The following TANC1 variants were observed in gnomAD, a reference collection of about 807,000 sequenced individuals.
TANC1 encodes the protein tetratricopeptide repeat, ankyrin repeat and coiled-coil containing 1, also known as protein TANC1.
In TANC1, 77 loss-of-function variants were observed where a neutral mutation model predicts 149.7. The ratio of observed to expected loss-of-function variants is 0.51; its 90% CI spans 0.43 to 0.62. The LOEUF is 0.62. Ranked by LOEUF, TANC1 falls within the 20% of genes least tolerant of loss-of-function variation. The pLI is 0.00. For synonymous variants in TANC1, 854 were observed against 925.0 expected (o/e 0.92, Z 1.39); for missense variants, 1,985 against 2,321.8 (o/e 0.85, Z 2.98).
chr2:159,094,117 T>C (rs1435634349), intron 3 of TANC1, among the ~76,000 whole-genome samples: 1 of 152,220 alleles, frequency 6.6e-6, no homozygotes, highest in African/African-American at 2.4e-5. Context: ...TGGGTTTTTA[T>C]TTGTTTTTGT....
At position 159,001,465 on chromosome 2, in the gene TANC1, T is replaced by C. The variant is rs2036611449; in HGVS notation, c.-16+276T>C. On this transcript the variant is annotated intron_variant, in intron 2 of 26. Coordinates refer to ENST00000263635, the MANE Select transcript of TANC1 (RefSeq NM_033394.3). The surrounding 1 kb of genome is among the most constrained non-coding windows in gnomAD (Gnocchi z 4.3). ...TGGTGCTGATGGTTGCAGAAGGACGTGCTTAGTGCTACTGAACTATATACT... is the reference window on the plus strand; with the variant it reads ...TGGTGCTGATGGTTGCAGAAGGACGCGCTTAGTGCTACTGAACTATATACT... Among the ~76,000 whole-genome samples the C allele has an allele frequency of 6.6e-6, 1 of 152,186 alleles. No individual in the cohort carries two copies. The highest frequency in any genetic ancestry group is 1.5e-5 in the Non-Finnish European group (1 of 68,028).
chr2:159,199,141 T>C, intron 19 of TANC1, 88 bp downstream of exon 19: 1 of 918,636 alleles, frequency 1.1e-6, no homozygotes, highest in Admixed American at 1.8e-5. Flanking sequence ...GAATGACTGA[T>C]ATATGTAGTC....
At chr2:159,210,396 G>T (rs1441648271) in intron 19 of TANC1, among the ~76,000 whole-genome samples, 1 of 152,124 alleles carries the variant, frequency 6.6e-6, no homozygotes, top group Non-Finnish European at 1.5e-5. Flanking sequence ...CCTGTTTGTG[G>T]AATGACTGTG....
Position 159,230,019 on chromosome 2 carries a change from C to A in TANC1, c.4593C>A (p.Ala1531=). Residue 1531 remains alanine (A), a synonymous_variant, in exon 27 of 27, where the codon GCC becomes GCA. Transcript: ENST00000263635. The surrounding 1 kb of genome is among the most constrained non-coding windows in gnomAD (Gnocchi z 4.4). ...TGCTCCTGCAGCCCTCCAAGCAGGC[C>A]CAGATCGTGAAAACCAGCCAGCACC... ...PGLLLQPSKQ[A]QIVKTSQHLG... 1 of 1,614,054 alleles carries A rather than the reference C, an allele frequency of 6.2e-7. No homozygotes were observed. Among genetic ancestry groups the A allele is most frequent in the Non-Finnish European group, 8.5e-7 (1 of 1,180,050 alleles).
At chr2:159,129,464 G>T (rs2049846249) in intron 4 of TANC1, among the ~76,000 whole-genome samples, 1 of 152,174 alleles carries the variant, frequency 6.6e-6, no homozygotes, top group Non-Finnish European at 1.5e-5. Context: ...CTTCTGGGCT[G>T]CAGAGTGGAG....
At chr2:159,190,040 A>G (rs890708367) in intron 16 of TANC1, among the ~76,000 whole-genome samples, 1 of 152,238 alleles carries the variant, frequency 6.6e-6, no homozygotes, top group Non-Finnish European at 1.5e-5. Context: ...CATGCCTTCC[A>G]GGTAAACTCT....
intron 19 of TANC1, among the ~76,000 whole-genome samples, chr2:159,214,380 A>G (rs900229320): frequency 2.6e-5 from 4 of 152,196 alleles, no homozygotes; most frequent in African/African-American, 9.7e-5. Flanking sequence ...GGACTAGATC[A>G]TATCTTCAGG....
At chr2:159,070,261 A>C (rs1237201806) in intron 3 of TANC1, among the ~76,000 whole-genome samples, 5 of 150,868 alleles carry the variant, frequency 3.3e-5, no homozygotes, top group African/African-American at 1.2e-4. Flanking sequence ...TTTTTAAAGA[A>C]GACTTTTTTT....
At chr2:159,114,727 GGGCTTT>G (rs2048064627) in intron 4 of TANC1, among the ~76,000 whole-genome samples, 2 of 152,036 alleles carry the variant, frequency 1.3e-5, no homozygotes, top group Non-Finnish European at 2.9e-5. Context: ...TGTGCCCTTT[GGGCTTT>G]AAAATAAAGT....
intron 2 of TANC1, among the ~76,000 whole-genome samples, chr2:159,036,550 C>T (rs376067120): frequency 5.3e-5 from 8 of 152,028 alleles, no homozygotes; most frequent in Admixed American, 1.3e-4. Flanking sequence ...TGATGTTTCC[C>T]GCCCTGTGTC....
At chr2:159,158,063 C>T (rs2053619179) in intron 7 of TANC1, among the ~76,000 whole-genome samples, 2 of 152,108 alleles carry the variant, frequency 1.3e-5, no homozygotes, top group South Asian at 2.1e-4. Context: ...ATGATCAGAG[C>T]AGTGTAGAGA....
intron 2 of TANC1, among the ~76,000 whole-genome samples, chr2:159,064,926 C>T (rs1414302622): frequency 1.3e-5 from 2 of 152,124 alleles, no homozygotes; most frequent in Non-Finnish European, 2.9e-5. Flanking sequence ...CTCATTCCTC[C>T]CCTCCCCACC....
intron 1 of TANC1, among the ~76,000 whole-genome samples, chr2:158,971,204 T>C (rs918199548): frequency 6.6e-6 from 1 of 152,194 alleles, no homozygotes; most frequent in African/African-American, 2.4e-5. Flanking sequence ...TAATTCTTTA[T>C]TTCTCTGGGA....
chr2:159,076,385 A>G (rs914633752), intron 3 of TANC1, among the ~76,000 whole-genome samples: 5 of 152,194 alleles, frequency 3.3e-5, no homozygotes, highest in Admixed American at 6.5e-5. Context: ...TCAAGAATTT[A>G]TAAAGAAACC....
chr2:159,211,728 C>T (rs1322410181), intron 19 of TANC1, among the ~76,000 whole-genome samples: 1 of 152,228 alleles, frequency 6.6e-6, no homozygotes, highest in Admixed American at 6.5e-5. Context: ...AATACTCAAT[C>T]TGCTTAGAAA....
intron 1 of TANC1, among the ~76,000 whole-genome samples, chr2:158,987,182 C>G (rs940178945): frequency 6.8e-6 from 1 of 147,048 alleles, no homozygotes; most frequent in Non-Finnish European, 1.5e-5. Context: ...CCACTGCACT[C>G]CAGCCTGGGT....
At chr2:159,060,840 C>T in intron 2 of TANC1, among the ~76,000 whole-genome samples, 1 of 152,190 alleles carries the variant, frequency 6.6e-6, no homozygotes, top group East Asian at 1.9e-4. Flanking sequence ...ATTGTGATTA[C>T]AGACTGAAAT....
chr2:159,072,376 A>C (rs1559204927), intron 3 of TANC1, among the ~76,000 whole-genome samples: 2 of 152,232 alleles, frequency 1.3e-5, no homozygotes, highest in African/African-American at 4.8e-5. Flanking sequence ...TATGTCACAA[A>C]GTCAAGAAAA....
intron 16 of TANC1, among the ~76,000 whole-genome samples, chr2:159,189,068 C>T (rs143159270): frequency 2.4e-4 from 36 of 152,312 alleles, no homozygotes; most frequent in African/African-American, 8.2e-4. Flanking sequence ...GCTTTCTCAC[C>T]TATAAAGTGG....
Sources: allele counts gnomAD v4.1 joint callset (sites outside exome capture counted in the v4.1 genomes callset), GRCh38; gene constraint gnomAD v4.1.1; non-coding constraint Gnocchi (gnomAD v3.1); transcripts MANE v1.5; gene names NCBI Gene and HGNC (gene_info 2026-07-23, HGNC 2026-07-21).